Variants in RBFOX1 observed in about 807,000 individuals in gnomAD.
The protein encoded by RBFOX1 is RNA binding protein fox-1 homolog 1.
RBFOX1 carries 8 observed loss-of-function variants against 57.7 expected under a neutral mutation model. The observed-to-expected ratio is 0.14, with a 90% CI of 0.08 to 0.25. The LOEUF is 0.25. Ranked by LOEUF, RBFOX1 falls within the 10% of genes least tolerant of loss-of-function variation. The pLI is 1.00. For missense variants in RBFOX1, 611 were observed against 548.5 expected (o/e 1.11, Z -1.14); for synonymous variants, 326 against 222.4 (o/e 1.47, Z -4.15).
intron 4 of RBFOX1, among the ~76,000 whole-genome samples, chr16:7,128,188 A>T (rs2069123797): frequency 6.6e-6 from 1 of 152,252 alleles, no homozygotes; most frequent in Admixed American, 6.5e-5. Flanking sequence ...ATCCTCAAAG[A>T]TTTTCTTTCA....
chr16:5,890,984 T>C lies in RBFOX1; in HGVS notation c.351+23649T>C, dbSNP rs2058033115. Among the ~76,000 whole-genome samples, 3 of 152,184 alleles carry C rather than the reference T, an allele frequency of 2.0e-5. No homozygotes were observed. The South Asian group carries it at 6.2e-4, about 32-fold the overall frequency. On this transcript the variant is annotated intron_variant, in intron 4 of 19. Transcript: ENST00000641259. ...AATTTCTCAGTCTGTGAAATGGGGA[T>C]GAACTGAGATTATAGCTCATCTGGT...
intron 1 of RBFOX1, among the ~76,000 whole-genome samples, chr16:5,365,407 C>G (rs772916582): frequency 3.9e-5 from 6 of 152,224 alleles, no homozygotes; most frequent in Non-Finnish European, 8.8e-5. Context: ...GTGTCTCACA[C>G]CTGTAATCCC....
intron 4 of RBFOX1, among the ~76,000 whole-genome samples, chr16:5,951,463 G>GTGTGTA (rs1404715056): frequency 1.3e-5 from 2 of 151,898 alleles, no homozygotes; most frequent in African/African-American, 4.8e-5. Flanking sequence ...ATATGTGTGT[G>GTGTGTA]TGTGTATGTG....
At chr16:6,087,570 A>G (rs1367632926) in intron 1 of RBFOX1, among the ~76,000 whole-genome samples, 2 of 152,098 alleles carry the variant, frequency 1.3e-5, no homozygotes, top group Admixed American at 1.3e-4. Context: ...GTCCTTCCGA[A>G]GTGTAATACT....
intron 2 of RBFOX1, among the ~76,000 whole-genome samples, chr16:6,396,827 C>A (rs919259661): frequency 1.3e-5 from 2 of 151,884 alleles, no homozygotes; most frequent in Admixed American, 1.3e-4. Context: ...CAGATAAGGA[C>A]TTTGAAACAG....
intron 3 of RBFOX1, among the ~76,000 whole-genome samples, chr16:6,964,463 A>G (rs1023335904): frequency 3.3e-5 from 5 of 152,060 alleles, no homozygotes; most frequent in Non-Finnish European, 5.9e-5. Context: ...GGTGATTGTG[A>G]TGTGTCAGTG....
At chr16:5,890,088 A>C (rs763425332) in intron 4 of RBFOX1, among the ~76,000 whole-genome samples, 2 of 152,134 alleles carry the variant, frequency 1.3e-5, no homozygotes, top group Non-Finnish European at 2.9e-5. Context: ...AGACTGCCAG[A>C]TCTTGGGTAA....
At chr16:7,197,257 A>T (rs1327224530) in intron 4 of RBFOX1, among the ~76,000 whole-genome samples, 1 of 152,090 alleles carries the variant, frequency 6.6e-6, no homozygotes, top group African/African-American at 2.4e-5. Flanking sequence ...AATAAGGAAA[A>T]CTGTGGCTCT....
At chr16:7,065,993 A>G in intron 4 of RBFOX1, among the ~76,000 whole-genome samples, 1 of 151,674 alleles carries the variant, frequency 6.6e-6, no homozygotes, top group Non-Finnish European at 1.5e-5. Flanking sequence ...CAAATAAATA[A>G]CAACAAAAAA....
chr16:6,792,507 C>G (rs1319337691), intron 3 of RBFOX1, among the ~76,000 whole-genome samples: 1 of 152,156 alleles, frequency 6.6e-6, no homozygotes, highest in Non-Finnish European at 1.5e-5. Context: ...TCTACCACCA[C>G]AAATTTTATT....
At chr16:6,653,601 A>T (rs1023429056) in intron 2 of RBFOX1, among the ~76,000 whole-genome samples, 1 of 152,150 alleles carries the variant, frequency 6.6e-6, no homozygotes, top group Non-Finnish European at 1.5e-5. Flanking sequence ...GAATGAGTGG[A>T]TGAGTGGAAT....
intron 4 of RBFOX1, among the ~76,000 whole-genome samples, chr16:7,174,705 G>A (rs1012079816): frequency 2.0e-5 from 3 of 152,172 alleles, no homozygotes; most frequent in East Asian, 1.9e-4. Context: ...ACTTGAACGC[G>A]AGAGGCGGAG....
chr16:5,956,678 A>ATATTTATATATATATATATATATATATTT (rs368096576), intron 4 of RBFOX1, among the ~76,000 whole-genome samples: 2 of 116,480 alleles, frequency 1.7e-5, no homozygotes, highest in Admixed American at 1.0e-4. Flanking sequence ...ATATATATAT[A>ATATTTATATATATATATATATATATATTT]TTTTTTTTGA....
chr16:7,329,350 A>C (rs2096654126), intron 4 of RBFOX1, among the ~76,000 whole-genome samples: 1 of 152,140 alleles, frequency 6.6e-6, no homozygotes, highest in African/African-American at 2.4e-5. Flanking sequence ...TTACACCGTG[A>C]GCGTAATACC....
At chr16:6,731,954 T>C (rs1603471306) in intron 3 of RBFOX1, among the ~76,000 whole-genome samples, 1 of 152,216 alleles carries the variant, frequency 6.6e-6, no homozygotes, top group Admixed American at 6.5e-5. Flanking sequence ...TGTATGAAAT[T>C]AGCTGAGCCT....
intron 3 of RBFOX1, among the ~76,000 whole-genome samples, chr16:6,849,478 G>A (rs1184325181): frequency 6.6e-6 from 1 of 152,108 alleles, no homozygotes; most frequent in African/African-American, 2.4e-5. Flanking sequence ...GACCAGCCTC[G>A]CCAATATGGC....
chr16:5,732,183 A>G (rs1044226398), intron 3 of RBFOX1, among the ~76,000 whole-genome samples: 3 of 152,234 alleles, frequency 2.0e-5, no homozygotes, highest in Non-Finnish European at 2.9e-5. Context: ...CACCTGCTGC[A>G]TGGAGATAAT....
At chr16:5,483,305 T>G (rs1373634587) in intron 2 of RBFOX1, among the ~76,000 whole-genome samples, 2 of 152,222 alleles carry the variant, frequency 1.3e-5, no homozygotes, top group Non-Finnish European at 2.9e-5. Context: ...CTTCGTGCTC[T>G]TGGCACACAT....
intron 4 of RBFOX1, among the ~76,000 whole-genome samples, chr16:7,139,758 T>A (rs1355977958): frequency 6.6e-6 from 1 of 151,994 alleles, no homozygotes; most frequent in African/African-American, 2.4e-5. Flanking sequence ...ATTGATTGGA[T>A]TCTTTTTTTT....
Sources: gnomAD v4.1 joint callset for allele counts (sites outside exome capture counted in the v4.1 genomes callset) on GRCh38, gnomAD v4.1.1 for gene constraint, MANE v1.5 for transcripts, NCBI Gene and HGNC (gene_info 2026-07-23, HGNC 2026-07-21) for gene names.